Variants in ADGRL3 observed in about 807,000 individuals in gnomAD.
The protein encoded by ADGRL3 is adhesion G protein-coupled receptor L3.
Under a neutral mutation model 153.5 loss-of-function variants are expected in ADGRL3, and 62 were observed. The ratio of observed to expected loss-of-function variants is 0.40; its 90% confidence interval spans 0.33 to 0.50. The LOEUF is 0.50. Ranked by LOEUF, ADGRL3 falls within the 20% of genes least tolerant of loss-of-function variation. ADGRL3 has a pLI of 0.47. For synonymous variants in ADGRL3, 710 were observed against 672.5 expected, an observed-to-expected ratio of 1.06 and a Z score of -0.86; for missense variants, 1,641 against 1,859.4, an observed-to-expected ratio of 0.88 and a Z score of 2.16.
intron 19 of ADGRL3, among the ~76,000 whole-genome samples, chr4:61,993,687 G>GTCTC (rs140232617): frequency 1.3e-5 from 2 of 148,800 alleles, no homozygotes; most frequent in East Asian, 2.0e-4. Context: ...TTTCTTTTCT[G>GTCTC]TCTCTCTCTC....
At chr4:61,496,830 A>G (rs919845207) in intron 2 of ADGRL3, among the ~76,000 whole-genome samples, 2 of 149,994 alleles carry the variant, frequency 1.3e-5, no homozygotes, top group African/African-American at 2.5e-5. Context: ...AGTCCCAGCT[A>G]CTCAGGAGGC....
chr4:61,647,780 A>T (rs999823044), intron 5 of ADGRL3, among the ~76,000 whole-genome samples: 4 of 152,072 alleles, frequency 2.6e-5, no homozygotes, highest in African/African-American at 9.7e-5. Context: ...TTGTATAAGA[A>T]ATTATATAAA....
intron 2 of ADGRL3, among the ~76,000 whole-genome samples, chr4:61,495,567 C>T (rs1029609544): frequency 6.6e-6 from 1 of 151,828 alleles, no homozygotes; most frequent in East Asian, 1.9e-4. Context: ...CCAATTTGTG[C>T]TTGATTGATC....
chr4:61,422,875 AT>A (rs1230378771), intron 2 of ADGRL3, among the ~76,000 whole-genome samples: 2 of 151,994 alleles, frequency 1.3e-5, no homozygotes, highest in African/African-American at 4.8e-5. Context: ...GTACATATAA[AT>A]GGTGGGTTGC....
intron 8 of ADGRL3, among the ~76,000 whole-genome samples, chr4:61,813,394 A>T (rs2097652237): frequency 6.8e-6 from 1 of 147,532 alleles, no homozygotes; most frequent in Non-Finnish European, 1.5e-5. Context: ...TTCCATTTCA[A>T]AATAAATAAA....
chr4:61,815,506 G>A (rs529929601), intron 9 of ADGRL3, among the ~76,000 whole-genome samples: 45 of 152,272 alleles, frequency 3.0e-4, no homozygotes, highest in African/African-American at 1.1e-3. Context: ...GGCAATGTGA[G>A]GATCTGATAA....
At chr4:61,319,312 A>G (rs1210742900) in intron 1 of ADGRL3, among the ~76,000 whole-genome samples, 1 of 152,208 alleles carries the variant, frequency 6.6e-6, no homozygotes, top group Non-Finnish European at 1.5e-5. Flanking sequence ...TAAATCACTA[A>G]GTAATTTGAA....
intron 1 of ADGRL3, among the ~76,000 whole-genome samples, chr4:61,377,220 C>T (rs1016936784): frequency 2.0e-5 from 3 of 152,054 alleles, no homozygotes; most frequent in Non-Finnish European, 4.4e-5. Flanking sequence ...CCTGTCCTAT[C>T]CTACCCTACC....
intron 8 of ADGRL3, among the ~76,000 whole-genome samples, chr4:61,792,894 A>G (rs1162300520): frequency 6.6e-6 from 1 of 152,032 alleles, no homozygotes; most frequent in Non-Finnish European, 1.5e-5. Context: ...TCTTTTCAGT[A>G]ACGGTCCACT....
intron 17 of ADGRL3, among the ~76,000 whole-genome samples, chr4:61,960,609 A>G (rs2098984075): frequency 6.6e-6 from 1 of 152,186 alleles, no homozygotes; most frequent in Non-Finnish European, 1.5e-5. Flanking sequence ...CCAGTTTTAT[A>G]TTTACTGAGA....
intron 4 of ADGRL3, among the ~76,000 whole-genome samples, chr4:61,530,449 A>G (rs1170358425): frequency 6.6e-6 from 1 of 152,014 alleles, no homozygotes; most frequent in African/African-American, 2.4e-5. Flanking sequence ...TTTTAATGCA[A>G]GAGTACTTGT....
rs926070594 is a variant in ADGRL3, at chr4:61,220,846, C to T, written c.-240+19081C>T. On this transcript the variant is annotated intron_variant, in intron 1 of 26. Transcript: ENST00000683033. ...ATGGAAGCCTGAATACTTACAGCAG[C>T]GTCAGATAAGCATGCCAGAAATGCC... 3.9e-5 allele frequency among the ~76,000 whole-genome samples: 6 copies of T among 152,250 alleles called. 1 individual carries two copies. The highest frequency in any genetic ancestry group is 2.4e-5 in the African/African-American group (1 of 41,556).
chr4:61,216,719 A>C (rs566795561), intron 1 of ADGRL3, among the ~76,000 whole-genome samples: 1 of 152,214 alleles, frequency 6.6e-6, no homozygotes, highest in East Asian at 1.9e-4. Flanking sequence ...AGTAGAGGGC[A>C]AAGGAGTCGT....
chr4:61,554,592 T>C (rs2098756913), intron 4 of ADGRL3, among the ~76,000 whole-genome samples: 1 of 152,216 alleles, frequency 6.6e-6, no homozygotes, highest in South Asian at 2.1e-4. Flanking sequence ...TGCATGTGTA[T>C]GTGACAGAGA....
chr4:61,654,461 T>A (rs1266045851), intron 5 of ADGRL3, among the ~76,000 whole-genome samples: 1 of 152,086 alleles, frequency 6.6e-6, no homozygotes, highest in Non-Finnish European at 1.5e-5. Context: ...GCTGTAGGGA[T>A]GTACTGTCTT....
At chr4:61,819,194 G>A (rs2097722712) in intron 9 of ADGRL3, among the ~76,000 whole-genome samples, 1 of 152,046 alleles carries the variant, frequency 6.6e-6, no homozygotes, top group African/African-American at 2.4e-5. Flanking sequence ...AAGGGACATG[G>A]GAGAGAGAGG....
At position 62,077,119 on chromosome 4, in the gene ADGRL3, C is replaced by G. The variant is rs553217902; in HGVS notation, c.*6211C>G. 9.9e-5 allele frequency: 15 copies of G among 151,968 alleles called. No individual in the cohort carries two copies. Among genetic ancestry groups the G allele is most frequent in the Middle Eastern group, 3.4e-3 (1 of 294 alleles). The allele number at this position is 151,968 out of a possible 1,614,324, so 9.4% of individuals were successfully genotyped here. A position where few individuals can be genotyped will look rare whatever the true frequency, so the allele number is the denominator to read the frequency against. ...GTGGGTTATCAAAGTACTCCATAAT[C>G]CAAATGCATCTAAAAGTATTCCAAA... On this transcript the variant is annotated 3_prime_UTR_variant, in exon 27 of 27. Transcript: ENST00000683033.
At chr4:61,799,255 A>G (rs1211815406) in intron 8 of ADGRL3, among the ~76,000 whole-genome samples, 2 of 151,870 alleles carry the variant, frequency 1.3e-5, no homozygotes, top group African/African-American at 2.4e-5. Context: ...TATTTCACAT[A>G]TTAGTTCCTT....
At chr4:61,387,951 AG>A (rs1199257768) in intron 2 of ADGRL3, among the ~76,000 whole-genome samples, 1 of 152,156 alleles carries the variant, frequency 6.6e-6, no homozygotes, top group Non-Finnish European at 1.5e-5. Flanking sequence ...AAATTATGAA[AG>A]TATTAATTTG....
Sources: allele counts gnomAD v4.1 joint callset (sites outside exome capture counted in the v4.1 genomes callset), GRCh38; gene constraint gnomAD v4.1.1; transcripts MANE v1.5; gene names NCBI Gene and HGNC (gene_info 2026-07-23, HGNC 2026-07-21).